RNF38: variants seen among roughly 807,000 people sequenced by gnomAD.
RNF38 encodes the protein ring finger protein 38, also known as E3 ubiquitin-protein ligase RNF38.
In RNF38, 15 loss-of-function variants were observed where a neutral mutation model predicts 67.2. That is an observed-to-expected ratio of 0.22 (90% CI 0.15 to 0.34). The LOEUF is 0.34. Ranked by LOEUF, RNF38 falls within the 10% of genes least tolerant of loss-of-function variation. The pLI is 1.00. For missense variants in RNF38, 524 were observed against 639.9 expected, an observed-to-expected ratio of 0.82 and a Z score of 1.95; for synonymous variants, 220 against 218.8, an observed-to-expected ratio of 1.01 and a Z score of -0.05.
chr9:36,369,058 C>T (rs1835178972), intron 4 of RNF38, among the ~76,000 whole-genome samples: 3 of 151,992 alleles, frequency 2.0e-5, no homozygotes, highest in African/African-American at 7.3e-5. Context: ...TCCTTGGAGG[C>T]CTATGAAAAC....
chr9:36,420,566 G>C (rs1206859906), intron 2 of RNF38, among the ~76,000 whole-genome samples: 1 of 128,742 alleles, frequency 7.8e-6, no homozygotes, highest in Non-Finnish European at 1.8e-5. Flanking sequence ...CCTTCTCCCA[G>C]TACTTCTATG....
At chr9:36,425,694 C>A (rs894148226) in intron 1 of RNF38, among the ~76,000 whole-genome samples, 4 of 145,888 alleles carry the variant, frequency 2.7e-5, no homozygotes, top group Non-Finnish European at 6.0e-5. Flanking sequence ...GACCCTGTTT[C>A]AAAAAAAAAT....
At chr9:36,448,867 G>A (rs928126525) in intron 1 of RNF38, among the ~76,000 whole-genome samples, 1 of 151,950 alleles carries the variant, frequency 6.6e-6, no homozygotes, top group East Asian at 1.9e-4. Flanking sequence ...TTAGCTGGGC[G>A]CCTGCAATCC....
Position 36,336,804 on chromosome 9 carries a change from C to T in RNF38, c.*2948G>A, listed in dbSNP as rs748272289. The T allele has an allele frequency of 6.6e-5, 10 of 152,484 alleles. No individual in the cohort carries two copies. Among genetic ancestry groups the T allele is most frequent in the Non-Finnish European group, 1.2e-4 (8 of 68,034 alleles). The allele number at this position is 152,484 out of a possible 1,614,324, so 9.4% of individuals were successfully genotyped here. On this transcript the variant is annotated 3_prime_UTR_variant, in exon 12 of 12. Coordinates refer to ENST00000259605, the MANE Select transcript of RNF38 (RefSeq NM_022781.5). The stretch of plus-strand genomic sequence containing the variant: ...TATTCTCACAAGTGAGTCGGTAGAT[C>T]TCATTCAAAATTATTCTAAGAGGCC...
At chr9:36,470,737 T>C (rs757835138) in intron 1 of RNF38, among the ~76,000 whole-genome samples, 1 of 152,118 alleles carries the variant, frequency 6.6e-6, no homozygotes, top group Non-Finnish European at 1.5e-5. Context: ...CCTTCTCTGC[T>C]CGAACAAGGA....
chr9:36,428,025 T>TA (rs1838821860), intron 1 of RNF38, among the ~76,000 whole-genome samples: 1 of 151,666 alleles, frequency 6.6e-6, no homozygotes, highest in Non-Finnish European at 1.5e-5. Context: ...TCTCAGCTCC[T>TA]AAAACTGTGA....
chr9:36,436,198 A>AT (rs1473723572), intron 1 of RNF38, among the ~76,000 whole-genome samples: 2 of 152,330 alleles, frequency 1.3e-5, no homozygotes, highest in Non-Finnish European at 1.5e-5. Context: ...TTGTAAAAGG[A>AT]TGTTTTGGTA....
chr9:36,420,182 A>G (rs1257037008), intron 2 of RNF38, among the ~76,000 whole-genome samples: 2 of 152,180 alleles, frequency 1.3e-5, no homozygotes, highest in African/African-American at 4.8e-5. Context: ...TTCCTCACTG[A>G]TAAAACTGGA....
At chr9:36,346,039 T>C (rs976286321) in intron 9 of RNF38, among the ~76,000 whole-genome samples, 22 of 152,344 alleles carry the variant, frequency 1.4e-4, no homozygotes, top group African/African-American at 5.3e-4. Context: ...GGCAAAACAG[T>C]AATATTCTTA....
chr9:36,361,203 G>C (rs1834504670), intron 4 of RNF38, among the ~76,000 whole-genome samples: 1 of 151,408 alleles, frequency 6.6e-6, no homozygotes, highest in African/African-American at 2.4e-5. Context: ...TTTTACTGGA[G>C]TGCAGTGGCG....
At chr9:36,432,453 C>G (rs1271096627) in intron 1 of RNF38, among the ~76,000 whole-genome samples, 2 of 151,942 alleles carry the variant, frequency 1.3e-5, no homozygotes, top group African/African-American at 4.8e-5. Flanking sequence ...CTTTCTTATC[C>G]ACTCATAACT....
intron 1 of RNF38, among the ~76,000 whole-genome samples, chr9:36,454,576 T>C (rs1282939845): frequency 7.3e-6 from 1 of 137,446 alleles, no homozygotes; most frequent in East Asian, 2.1e-4. Flanking sequence ...TATACATTAA[T>C]TTACTTTTTT....
intron 9 of RNF38, among the ~76,000 whole-genome samples, chr9:36,345,371 G>T (rs1271896868): frequency 6.6e-6 from 1 of 152,104 alleles, no homozygotes; most frequent in Admixed American, 6.5e-5. Flanking sequence ...CATTTCATTT[G>T]TATCAAGTGC....
chr9:36,474,143 C>T (rs925192936), intron 1 of RNF38, among the ~76,000 whole-genome samples: 2 of 151,594 alleles, frequency 1.3e-5, no homozygotes, highest in South Asian at 4.2e-4. Context: ...GAAACCCCAT[C>T]TCTACTACAA....
upstream of RNF38, among the ~76,000 whole-genome samples, chr9:36,405,393 T>C (rs1288222141): frequency 6.6e-6 from 1 of 152,266 alleles, no homozygotes; most frequent in Non-Finnish European, 1.5e-5. Flanking sequence ...AATTCACATT[T>C]CTAATCAGCC....
intron 1 of RNF38, among the ~76,000 whole-genome samples, chr9:36,458,287 A>C (rs1229383625): frequency 6.6e-6 from 1 of 152,214 alleles, no homozygotes; most frequent in Non-Finnish European, 1.5e-5. Flanking sequence ...AAAATGGACC[A>C]GTCAGTGCTC....
At chr9:36,468,885 G>A (rs1208537572) in intron 1 of RNF38, among the ~76,000 whole-genome samples, 1 of 151,978 alleles carries the variant, frequency 6.6e-6, no homozygotes, top group Non-Finnish European at 1.5e-5. Flanking sequence ...AGGCTGAGGC[G>A]GGTGGATCAC....
At chr9:36,401,007 C>T, upstream of RNF38, 1 of 984,462 alleles carries the variant, frequency 1.0e-6, no homozygotes, top group Middle Eastern at 5.2e-4. Flanking sequence ...GCGCAGGCGA[C>T]TCCCCTCGCC....
intron 1 of RNF38, among the ~76,000 whole-genome samples, chr9:36,465,093 A>C (rs144764143): frequency 6.6e-6 from 1 of 152,352 alleles, no homozygotes; most frequent in African/African-American, 2.4e-5. Flanking sequence ...ATAATCAAAA[A>C]GACAGATAAC....
Sources: gnomAD v4.1 joint callset for allele counts (sites outside exome capture counted in the v4.1 genomes callset) on GRCh38, gnomAD v4.1.1 for gene constraint, MANE v1.5 for transcripts, NCBI Gene and HGNC (gene_info 2026-07-23, HGNC 2026-07-21) for gene names.